Variants in GLT1D1 observed in about 807,000 individuals in gnomAD.
GLT1D1 encodes the protein glycosyltransferase 1 domain-containing protein 1.
Under a neutral mutation model 28.7 loss-of-function variants are expected in GLT1D1, and 21 were observed. The observed-to-expected ratio is 0.73, with a 90% CI of 0.52 to 1.05. The LOEUF (loss-of-function observed/expected upper bound fraction) is 1.05, where lower values mean the gene tolerates loss of function less well. Among genes scored for constraint, GLT1D1 ranks in the 50% least tolerant of loss-of-function variants. The pLI is 0.00. For missense variants in GLT1D1, 343 were observed against 330.6 expected (o/e 1.04, Z -0.29); for synonymous variants, 147 against 124.8 (o/e 1.18, Z -1.19).
Position 128,934,648 on chromosome 12 carries a change from C to G in GLT1D1, c.376-10678C>G, listed in dbSNP as rs542116704. Among the ~76,000 whole-genome samples, 166 of 152,350 alleles carry G rather than the reference C, an allele frequency of 1.1e-3. 6 individuals are homozygous for G. The South Asian group carries it at 0.032, about 29-fold the overall frequency. ...CTCCACCCCAGGCATCAGAAACCACCTCTGGCCCAACGCCAGCCAAAAGTT... is the reference window on the plus strand; with the variant it reads ...CTCCACCCCAGGCATCAGAAACCACGTCTGGCCCAACGCCAGCCAAAAGTT... On this transcript the variant is annotated intron_variant, in intron 4 of 7. Transcript: ENST00000281703.
chr12:128,913,284 A>G (rs543505437), intron 4 of GLT1D1, among the ~76,000 whole-genome samples: 11 of 152,180 alleles, frequency 7.2e-5, no homozygotes, highest in Admixed American at 7.2e-4. Flanking sequence ...CAGTGGCGCA[A>G]TCTTGGTTCA....
At chr12:128,971,446 CT>C (rs1879052180) in intron 7 of GLT1D1, among the ~76,000 whole-genome samples, 2 of 114,238 alleles carry the variant, frequency 1.8e-5, no homozygotes, top group Non-Finnish European at 3.8e-5. Flanking sequence ...CCCTCCCTTC[CT>C]CTCTCCCTCC....
chr12:128,979,236 C>T (rs987327876), intron 7 of GLT1D1, among the ~76,000 whole-genome samples: 13 of 152,246 alleles, frequency 8.5e-5, no homozygotes, highest in Admixed American at 7.8e-4. Flanking sequence ...CAAATCACCA[C>T]AAACTCAGCA....
Position 128,855,239 on chromosome 12 carries a change from A to C in GLT1D1, c.68+1590A>C, listed in dbSNP as rs1243489453. On this transcript the variant is annotated intron_variant, in intron 1 of 7. Coordinates refer to ENST00000281703, the MANE Select transcript of GLT1D1 (RefSeq NM_144669.3). ...GACTCCATCTAAAAAAAAAAAAAAA[A>C]AAAACAACAACAACAACAAAAAAAA... Among the ~76,000 whole-genome samples, 342 of 148,084 alleles carry C rather than the reference A, an allele frequency of 2.3e-3. 4 individuals are homozygous for C. Among genetic ancestry groups the C allele is most frequent in the African/African-American group, 7.7e-3 (310 of 40,268 alleles).
chr12:128,964,839 A>T (rs1055041010), intron 7 of GLT1D1, among the ~76,000 whole-genome samples: 1 of 152,220 alleles, frequency 6.6e-6, no homozygotes, highest in Non-Finnish European at 1.5e-5. Flanking sequence ...TCAAAGGACA[A>T]GATTCCCCAG....
chr12:128,885,215 G>A (rs1202420411), intron 2 of GLT1D1, among the ~76,000 whole-genome samples: 2 of 151,922 alleles, frequency 1.3e-5, no homozygotes, highest in Non-Finnish European at 2.9e-5. Flanking sequence ...GTAATCATGG[G>A]TGAATTTATA....
chr12:128,860,741 G>A (rs59952126), intron 1 of GLT1D1, among the ~76,000 whole-genome samples: 5,682 of 152,200 alleles, frequency 0.037, 333 homozygotes, highest in African/African-American at 0.13. Flanking sequence ...TTTTGTGTGT[G>A]TGTGGCTGAA....
intron 2 of GLT1D1, among the ~76,000 whole-genome samples, chr12:128,888,400 A>T (rs2135827976): frequency 6.6e-6 from 1 of 152,312 alleles, no homozygotes; most frequent in African/African-American, 2.4e-5. Context: ...TTTAAAATGA[A>T]TTAATTGAAA....
intron 4 of GLT1D1, among the ~76,000 whole-genome samples, chr12:128,905,049 A>G (rs1870705748): frequency 6.6e-6 from 1 of 151,182 alleles, no homozygotes; most frequent in African/African-American, 2.4e-5. Flanking sequence ...GATTACAGGC[A>G]TGAGCCACCG....
chr12:128,930,137 A>G (rs1252239858), intron 4 of GLT1D1: 1 of 152,230 alleles, frequency 6.6e-6, no homozygotes, highest in African/African-American at 2.4e-5. Flanking sequence ...TAGTAGTAAC[A>G]AGATAATTCC....
intron 1 of GLT1D1, among the ~76,000 whole-genome samples, chr12:128,864,401 C>G (rs1334244198): frequency 6.6e-6 from 1 of 151,920 alleles, no homozygotes; most frequent in Non-Finnish European, 1.5e-5. Flanking sequence ...ATTTCCCAAG[C>G]AGAAGGGCTG....
intron 3 of GLT1D1, 83 bp downstream of exon 3, chr12:128,888,827 A>C (rs1868699201): frequency 3.5e-6 from 3 of 868,480 alleles, no homozygotes; most frequent in Non-Finnish European, 3.7e-6. Flanking sequence ...CGAGGGCACC[A>C]ATTGCCGGGA....
At chr12:128,888,552 T>A in intron 2 of GLT1D1, 87 bp from the exon 3 acceptor site, 2 of 832,432 alleles carry the variant, frequency 2.4e-6, no homozygotes, top group Middle Eastern at 2.3e-4. Context: ...TCTGGGAACT[T>A]CAGTGTTTAA....
At chr12:128,864,407 G>A (rs12427104) in intron 1 of GLT1D1, among the ~76,000 whole-genome samples, 4,057 of 152,018 alleles carry the variant, frequency 0.027, 190 homozygotes, top group Admixed American at 0.1. Flanking sequence ...CAAGCAGAAG[G>A]GCTGGTTAGC....
chr12:128,956,480 C>T (rs985008311), intron 6 of GLT1D1, among the ~76,000 whole-genome samples: 7 of 152,080 alleles, frequency 4.6e-5, no homozygotes, highest in Non-Finnish European at 7.4e-5. Flanking sequence ...AATCCTAAGT[C>T]GAATCATTAT....
chr12:128,971,449 T>TCCTCCTCCCTTCCTCTCCTCCTCC (rs1565923036), intron 7 of GLT1D1, among the ~76,000 whole-genome samples: 1 of 72,122 alleles, frequency 1.4e-5, no homozygotes, highest in Non-Finnish European at 2.7e-5. Flanking sequence ...TCCCTTCCTC[T>TCCTCCTCCCTTCCTCTCCTCCTCC]CTCCCTCCAT....
At position 128,888,751 on chromosome 12, in the gene GLT1D1, C is replaced by T. The variant is rs918156648; in HGVS notation, c.323+7C>T. 1.9e-6 allele frequency: 3 copies of T among 1,551,984 alleles called. No individual in the cohort carries two copies. The highest frequency in any genetic ancestry group is 2.7e-5 in the African/African-American group (2 of 73,250). The stretch of plus-strand genomic sequence containing the variant: ...GAGTTCTTGAGGAAGCCAGGTAATA[C>T]CTGCGAGAATTTCATCCATGCCAAA... On this transcript the variant is annotated splice_region_variant and intron_variant, in intron 3 of 7. Coordinates refer to ENST00000281703, the MANE Select transcript of GLT1D1 (RefSeq NM_144669.3).
chr12:128,928,013 A>AAAC (rs1330094309), intron 4 of GLT1D1, among the ~76,000 whole-genome samples: 44 of 150,080 alleles, frequency 2.9e-4, no homozygotes, highest in Non-Finnish European at 4.7e-4. Flanking sequence ...AAAAAAAAAA[A>AAAC]AAAAAAAAAA....
intron 1 of GLT1D1, among the ~76,000 whole-genome samples, chr12:128,855,845 C>T (rs990519699): frequency 6.6e-6 from 1 of 150,646 alleles, no homozygotes; most frequent in Admixed American, 6.6e-5. Context: ...CTCTGCCCCC[C>T]GGTTCCAGCG....
Sources: gnomAD v4.1 joint callset for allele counts (sites outside exome capture counted in the v4.1 genomes callset) on GRCh38, gnomAD v4.1.1 for gene constraint, MANE v1.5 for transcripts, NCBI Gene and HGNC (gene_info 2026-07-23, HGNC 2026-07-21) for gene names.